The following WDR33 variants were observed in gnomAD, a reference collection of about 807,000 sequenced individuals.
WDR33 encodes the protein WD repeat domain 33.
A neutral mutation model predicts 164.9 loss-of-function variants in WDR33; 47 were observed. The ratio of observed to expected loss-of-function variants is 0.29; its 90% CI spans 0.23 to 0.36. The LOEUF (loss-of-function observed/expected upper bound fraction) is 0.36. Among genes scored for constraint, WDR33 ranks in the 10% least tolerant of loss-of-function variants. The pLI is 1.00. For missense variants in WDR33, 1,137 were observed against 1,754.1 expected, an observed-to-expected ratio of 0.65 and a Z score of 6.28; for synonymous variants, 505 against 589.0, an observed-to-expected ratio of 0.86 and a Z score of 2.06.
chr2:127,713,957 G>A lies in WDR33; in HGVS notation c.2934C>T (p.Ser978=), dbSNP rs376220363. The A allele has an allele frequency of 8.2e-6, 13 of 1,583,110 alleles. No homozygotes were observed. The highest frequency in any genetic ancestry group is 2.7e-5 in the African/African-American group (2 of 74,192). The change falls in exon 18 of 22, where the codon AGC becomes AGT. Residue 978 remains serine (S), a synonymous_variant. Transcript: ENST00000322313. The surrounding 1 kb of genome is among the most constrained non-coding windows in gnomAD (Gnocchi z 6.2). The part of the protein sequence containing the change: ...GPMSERRHEQ[S]GGPEHGPERG... The stretch of plus-strand genomic sequence containing the variant: ...TCTCGGGCCCATGCTCAGGCCCGCC[G>A]CTCTGCTCATGCCGCCTCTCTGACA...
chr2:127,743,005 G>A (rs895103469), intron 7 of WDR33, among the ~76,000 whole-genome samples: 2 of 152,052 alleles, frequency 1.3e-5, no homozygotes, highest in African/African-American at 4.8e-5. Context: ...AGATAATGAA[G>A]GACGTAAAAA....
chr2:127,734,803 A>C (rs766942651), intron 7 of WDR33, among the ~76,000 whole-genome samples: 2 of 152,228 alleles, frequency 1.3e-5, no homozygotes, highest in South Asian at 2.1e-4. Flanking sequence ...TTAAAAAAAC[A>C]TGAATGCACT....
At chr2:127,743,916 C>A (rs991826085) in intron 7 of WDR33, among the ~76,000 whole-genome samples, 1 of 152,012 alleles carries the variant, frequency 6.6e-6, no homozygotes, top group African/African-American at 2.4e-5. Context: ...TTCTGATGAC[C>A]ACAAGAATAG....
chr2:127,741,588 C>CA lies in WDR33; in HGVS notation c.725-14812dup, dbSNP rs1003149974. On this transcript the variant is annotated intron_variant, in intron 7 of 21. Coordinates refer to ENST00000322313, the MANE Select transcript of WDR33 (RefSeq NM_018383.5). The surrounding 1 kb of genome is among the most constrained non-coding windows in gnomAD (Gnocchi z 4.1). The stretch of plus-strand genomic sequence containing the variant: ...CCTTGTAGGTAAGCGAACTTAACTG[C>CA]AAAAAAATGCAAGATAGCTACTTAT... Among the ~76,000 whole-genome samples the CA allele has an allele frequency of 2.6e-5, 4 of 151,948 alleles. No homozygotes were observed. The highest frequency in any genetic ancestry group is 2.6e-4 in the Admixed American group (4 of 15,262).
In WDR33 at chr2:127,710,884, T is replaced by A. The variant is rs1686144845; in HGVS notation, c.3309-1028A>T. Among the ~76,000 whole-genome samples, 1 of 152,092 alleles carries A rather than the reference T, an allele frequency of 6.6e-6. No individual in the cohort carries two copies. The highest frequency in any genetic ancestry group is 2.4e-5 in the African/African-American group (1 of 41,396). ...AGAACAGTACAATGAACATCCCAGATCCTCCACCCAGATCAATCCCTTCTT... is the reference window on the plus strand; with the variant it reads ...AGAACAGTACAATGAACATCCCAGAACCTCCACCCAGATCAATCCCTTCTT... On this transcript the variant is annotated intron_variant, in intron 18 of 21. Coordinates refer to ENST00000322313, the MANE Select transcript of WDR33 (RefSeq NM_018383.5). The surrounding 1 kb of genome is among the most constrained non-coding windows in gnomAD (Gnocchi z 4.4).
chr2:127,786,180 T>C (rs1024668457), intron 1 of WDR33, among the ~76,000 whole-genome samples: 3 of 152,202 alleles, frequency 2.0e-5, no homozygotes, highest in Non-Finnish European at 4.4e-5. Context: ...CCCACAGGCA[T>C]GTGCCACCAT....
chr2:127,726,508 A>G lies in WDR33; in HGVS notation c.851+143T>C. 8.9e-7 allele frequency: 1 copy of G among 1,129,522 alleles called. No homozygotes were observed. The allele number at this position is 1,129,522 out of a possible 1,614,324, so 70.0% of individuals were successfully genotyped here. A position where few individuals can be genotyped will look rare whatever the true frequency, so the allele number is the denominator to read the frequency against. ...TTCAGAGATGAATCATATTTAATTCATAAGAAGTCTATAGATCCAAGTCCA... is the reference window on the plus strand; with the variant it reads ...TTCAGAGATGAATCATATTTAATTCGTAAGAAGTCTATAGATCCAAGTCCA... On this transcript the variant is annotated intron_variant, in intron 8 of 21. Transcript: ENST00000322313. This position sits in a 1 kb window ranked among gnomAD's most constrained non-coding sequence, Gnocchi z 4.8.
chr2:127,805,921 ACT>A (rs1689422465), intron 1 of WDR33, among the ~76,000 whole-genome samples: 1 of 151,020 alleles, frequency 6.6e-6, no homozygotes, highest in Non-Finnish European at 1.5e-5. Context: ...GCTGGAGTCT[ACT>A]GCACATTAAA....
chr2:127,772,474 CTAAT>C (rs926064646), intron 1 of WDR33, among the ~76,000 whole-genome samples: 5 of 151,908 alleles, frequency 3.3e-5, no homozygotes, highest in African/African-American at 9.7e-5. Flanking sequence ...GATTATAAAA[CTAAT>C]TATTTTCATG....
intron 8 of WDR33, 56 bp from the exon 9 acceptor site, chr2:127,725,271 T>C: frequency 1.3e-6 from 2 of 1,518,432 alleles, no homozygotes; most frequent in Non-Finnish European, 1.8e-6. Context: ...ATAAATACAA[T>C]GGCCATTTTT....
In WDR33 at chr2:127,716,083, C is replaced by A. The variant is rs1410096226; in HGVS notation, c.2869+1072G>T. On this transcript the variant is annotated intron_variant, in intron 17 of 21. Transcript: ENST00000322313. This position sits in a 1 kb window ranked among gnomAD's most constrained non-coding sequence, Gnocchi z 4.5. The stretch of plus-strand genomic sequence containing the variant: ...GGGGTAAAAGACTCTCCTTTTGTTT[C>A]TCTAGTTCGCTGTGGGCCACGTTCC... Among the ~76,000 whole-genome samples, 2 of 152,168 alleles carry A rather than the reference C, an allele frequency of 1.3e-5. No homozygotes were observed. The highest frequency in any genetic ancestry group is 3.8e-4 in the East Asian group (2 of 5,196).
intron 1 of WDR33, among the ~76,000 whole-genome samples, chr2:127,778,781 T>G (rs1688274581): frequency 6.6e-6 from 1 of 152,072 alleles, no homozygotes; most frequent in South Asian, 2.1e-4. Context: ...GCTCTCTAAT[T>G]CACTCAGCAT....
At position 127,723,566 on chromosome 2, in the gene WDR33, G is replaced by A. The variant is rs1236293252; in HGVS notation, c.1197-219C>T. ...AAGTCCAGGAGTCCAAGACCAGCCTGGGCAACATAGCGAAACCCTGTCTCT... is the reference window on the plus strand; with the variant it reads ...AAGTCCAGGAGTCCAAGACCAGCCTAGGCAACATAGCGAAACCCTGTCTCT... On this transcript the variant is annotated intron_variant, in intron 11 of 21. Transcript: ENST00000322313. This position sits in a 1 kb window ranked among gnomAD's most constrained non-coding sequence, Gnocchi z 5.9. Among the ~76,000 whole-genome samples the A allele has an allele frequency of 2.0e-5, 3 of 151,982 alleles. No homozygotes were observed. The highest frequency in any genetic ancestry group is 7.3e-5 in the African/African-American group (3 of 41,360).
At chr2:127,751,597 T>C (rs1328607838) in intron 7 of WDR33, among the ~76,000 whole-genome samples, 1 of 151,830 alleles carries the variant, frequency 6.6e-6, no homozygotes, top group Non-Finnish European at 1.5e-5. Flanking sequence ...TTAAAAAAGA[T>C]ACAAATGGAA....
At chr2:127,801,114 A>AG (rs1050831648) in intron 1 of WDR33, among the ~76,000 whole-genome samples, 7 of 151,586 alleles carry the variant, frequency 4.6e-5, no homozygotes, top group East Asian at 1.9e-4. Context: ...GAAAAAAAAA[A>AG]AAAAGAAAAG....
intron 7 of WDR33, chr2:127,737,804 ATT>A: frequency 7.5e-7 from 1 of 1,332,428 alleles, no homozygotes; most frequent in Non-Finnish European, 9.6e-7. Flanking sequence ...AGTTGGCCAG[ATT>A]AAGGATACAC....
At chr2:127,805,968 G>A (rs1052137561) in intron 1 of WDR33, among the ~76,000 whole-genome samples, 3 of 147,200 alleles carry the variant, frequency 2.0e-5, no homozygotes, top group Non-Finnish European at 3.0e-5. Flanking sequence ...AAAAAAAACC[G>A]CAGGTGTGGT....
chr2:127,713,039 G>A lies in WDR33; in HGVS notation c.3308+544C>T, dbSNP rs889781192. ...CCCAAAGTGCTGGGATTACAGGCGT[G>A]AGCCACTGGTCCTGGGCTAATTCCT... On this transcript the variant is annotated intron_variant, in intron 18 of 21. Coordinates refer to ENST00000322313, the MANE Select transcript of WDR33 (RefSeq NM_018383.5). The surrounding 1 kb of genome is among the most constrained non-coding windows in gnomAD (Gnocchi z 6.2). Among the ~76,000 whole-genome samples the A allele has an allele frequency of 3.3e-5, 5 of 152,204 alleles. No individual in the cohort carries two copies. Among genetic ancestry groups the A allele is most frequent in the African/African-American group, 1.2e-4 (5 of 41,432 alleles).
intron 7 of WDR33, among the ~76,000 whole-genome samples, chr2:127,733,766 T>A (rs1686768000): frequency 6.6e-6 from 1 of 152,090 alleles, no homozygotes; most frequent in Admixed American, 6.5e-5. Flanking sequence ...AAAGAAAGTG[T>A]CCCTTTAAAT....
Sources: gnomAD v4.1 joint callset for allele counts (sites outside exome capture counted in the v4.1 genomes callset) on GRCh38, gnomAD v4.1.1 for gene constraint, Gnocchi (gnomAD v3.1) non-coding constraint, MANE v1.5 for transcripts, NCBI Gene and HGNC (gene_info 2026-07-23, HGNC 2026-07-21) for gene names.